FNBP1L: variants seen among roughly 807,000 people sequenced by gnomAD.
FNBP1L encodes formin-binding protein 1-like.
A neutral mutation model predicts 91.2 loss-of-function variants in FNBP1L; 36 were observed. That is an observed-to-expected ratio of 0.39 (90% CI 0.30 to 0.52). The LOEUF is 0.52. FNBP1L is among the 20% of genes least tolerant of loss of function. The pLI, the probability that FNBP1L is intolerant of heterozygous loss-of-function variation, is 0.66. For missense variants in FNBP1L, 571 were observed against 732.1 expected (o/e 0.78, Z 2.54); for synonymous variants, 242 against 237.0 (o/e 1.02, Z -0.19).
intron 1 of FNBP1L, among the ~76,000 whole-genome samples, chr1:93,466,698 T>G (rs1308371140): frequency 6.6e-6 from 1 of 152,188 alleles, no homozygotes; most frequent in African/African-American, 2.4e-5. Context: ...CTTTTTTTGG[T>G]TCCATATGAA....
chr1:93,493,534 C>T (rs1357685070), intron 1 of FNBP1L, among the ~76,000 whole-genome samples: 3 of 152,236 alleles, frequency 2.0e-5, no homozygotes, highest in East Asian at 1.9e-4. Flanking sequence ...TCCTTCCTAC[C>T]CCTGTTCCCT....
intron 2 of FNBP1L, among the ~76,000 whole-genome samples, chr1:93,515,169 C>T (rs1329076953): frequency 2.0e-5 from 3 of 152,176 alleles, no homozygotes; most frequent in African/African-American, 4.8e-5. Context: ...AAAAAATGCT[C>T]GCCATCACTG....
At chr1:93,507,875 C>G (rs1422954543) in intron 2 of FNBP1L, among the ~76,000 whole-genome samples, 1 of 151,252 alleles carries the variant, frequency 6.6e-6, no homozygotes, top group Non-Finnish European at 1.5e-5. Flanking sequence ...TCTTGAACTC[C>G]TGACCTCAGG....
At chr1:93,533,338 CTG>C (rs942888387) in intron 8 of FNBP1L, among the ~76,000 whole-genome samples, 9 of 151,798 alleles carry the variant, frequency 5.9e-5, no homozygotes, top group Admixed American at 5.9e-4. Flanking sequence ...AACCTAGGAA[CTG>C]TGTGTTACAA....
At chr1:93,492,979 C>T (rs1670144648) in intron 1 of FNBP1L, among the ~76,000 whole-genome samples, 1 of 151,954 alleles carries the variant, frequency 6.6e-6, no homozygotes, top group Admixed American at 6.6e-5. Flanking sequence ...GTGACCTTCC[C>T]CCTCTAAGAA....
chr1:93,452,796 T>G (rs1668539984), intron 1 of FNBP1L, among the ~76,000 whole-genome samples: 1 of 152,178 alleles, frequency 6.6e-6, no homozygotes, highest in Non-Finnish European at 1.5e-5. Flanking sequence ...GTAAACTGAA[T>G]TGCTTCTCCA....
chr1:93,549,468 C>A lies in FNBP1L; in HGVS notation c.1651+42C>A, dbSNP rs78759524. ...AATATTGTATGTAAAAAAATTGGTTCTTTAAAAGTATTTACATCAAGTCAC... is the reference window on the plus strand; with the variant it reads ...AATATTGTATGTAAAAAAATTGGTTATTTAAAAGTATTTACATCAAGTCAC... On this transcript the variant is annotated intron_variant, in intron 15 of 16. Coordinates refer to ENST00000271234, the MANE Select transcript of FNBP1L (RefSeq NM_001164473.3). 2.9e-4 allele frequency: 426 copies of A among 1,446,776 alleles called. No homozygotes were observed. The East Asian group carries it at 7.7e-3, about 26-fold the overall frequency. The allele number at this position is 1,446,776 out of a possible 1,614,324, so 89.6% of individuals were successfully genotyped here.
chr1:93,513,181 A>C (rs548244282), intron 2 of FNBP1L, among the ~76,000 whole-genome samples: 124 of 152,206 alleles, frequency 8.1e-4, no homozygotes, highest in Non-Finnish European at 1.4e-3. Flanking sequence ...GAAATGGATA[A>C]ATTCCTCGAC....
intron 2 of FNBP1L, among the ~76,000 whole-genome samples, chr1:93,509,960 TA>T (rs1670768679): frequency 6.6e-6 from 1 of 152,220 alleles, no homozygotes; most frequent in African/African-American, 2.4e-5. Context: ...CGGAGGGTCC[TA>T]CGCCCACGGA....
rs1242958757 is a variant in FNBP1L, at chr1:93,529,901, TTTAAA to T, written c.510+149_510+153del. 3.7e-5 allele frequency: 21 copies of T among 563,818 alleles called. No individual in the cohort carries two copies. The East Asian group carries it at 4.5e-4, about 12-fold the overall frequency. The allele number at this position is 563,818 out of a possible 1,614,324, so 34.9% of individuals were successfully genotyped here. On this transcript the variant is annotated intron_variant, in intron 6 of 16. Coordinates refer to ENST00000271234, the MANE Select transcript of FNBP1L (RefSeq NM_001164473.3). ...CTAAAATATACAAATATTTGCCAACTTTAAATTATACGTATTGGTCTGAGAAAGTA... is the reference window on the plus strand; with the variant it reads ...CTAAAATATACAAATATTTGCCAACTTTATACGTATTGGTCTGAGAAAGTA...
intron 13 of FNBP1L, 50 bp from the exon 14 acceptor site, chr1:93,547,297 T>G: frequency 1.4e-6 from 2 of 1,381,976 alleles, no homozygotes; most frequent in Non-Finnish European, 2.0e-6. Flanking sequence ...TCTTATGAGC[T>G]TTTAAACATA....
At chr1:93,516,265 A>G (rs1671107992) in intron 2 of FNBP1L, among the ~76,000 whole-genome samples, 1 of 152,164 alleles carries the variant, frequency 6.6e-6, no homozygotes, top group African/African-American at 2.4e-5. Context: ...GGAAGTGAGA[A>G]AACATCCTGG....
intron 1 of FNBP1L, among the ~76,000 whole-genome samples, chr1:93,462,936 T>TA (rs1416502152): frequency 7.2e-5 from 11 of 152,180 alleles, no homozygotes; most frequent in African/African-American, 2.7e-4. Flanking sequence ...ATAATTTATT[T>TA]AGAGTTCTTT....
chr1:93,465,102 A>G (rs1248727478), intron 1 of FNBP1L, among the ~76,000 whole-genome samples: 1 of 148,644 alleles, frequency 6.7e-6, no homozygotes, highest in African/African-American at 2.5e-5. Flanking sequence ...TCATGGTTTC[A>G]TTTTGTGGGG....
intron 1 of FNBP1L, among the ~76,000 whole-genome samples, chr1:93,475,471 C>T (rs1669460957): frequency 6.6e-6 from 1 of 151,896 alleles, no homozygotes; most frequent in South Asian, 2.1e-4. Context: ...CCTGGGAGGT[C>T]GAGGCTGCAG....
At chr1:93,451,220 A>T (rs988344180) in intron 1 of FNBP1L, among the ~76,000 whole-genome samples, 1 of 152,256 alleles carries the variant, frequency 6.6e-6, no homozygotes, top group Non-Finnish European at 1.5e-5. Context: ...CAGATAGCCA[A>T]ATATGAATTA....
intron 1 of FNBP1L, among the ~76,000 whole-genome samples, chr1:93,467,638 G>T (rs1669136819): frequency 6.6e-6 from 1 of 152,170 alleles, no homozygotes; most frequent in South Asian, 2.1e-4. Flanking sequence ...AGCCAAGCAT[G>T]GTGGCATATG....
chr1:93,483,567 T>C (rs1224506095), intron 1 of FNBP1L, among the ~76,000 whole-genome samples: 1 of 152,184 alleles, frequency 6.6e-6, no homozygotes, highest in Non-Finnish European at 1.5e-5. Context: ...ATCCTAAATA[T>C]TAAGATTTTT....
rs1317567669 is a variant in FNBP1L at position 93,524,336 on chromosome 1, A to T, written c.405+13A>T. 2 of 1,479,938 alleles carry T rather than the reference A, an allele frequency of 1.4e-6. No homozygotes were observed. Among genetic ancestry groups the T allele is most frequent in the South Asian group, 2.9e-5 (2 of 69,122 alleles). The allele number at this position is 1,479,938 out of a possible 1,614,324, so 91.7% of individuals were successfully genotyped here. A position where few individuals can be genotyped will look rare whatever the true frequency, so the allele number is the denominator to read the frequency against. On this transcript the variant is annotated intron_variant, in intron 5 of 16. Coordinates refer to ENST00000271234, the MANE Select transcript of FNBP1L (RefSeq NM_001164473.3). The stretch of plus-strand genomic sequence containing the variant: ...ACAGATGGATAATGTGAGTTATGAC[A>T]TTTTCATGGTTAACATAAAATCTTG...
Sources: gnomAD v4.1 joint callset for allele counts (sites outside exome capture counted in the v4.1 genomes callset) on GRCh38, gnomAD v4.1.1 for gene constraint, MANE v1.5 for transcripts, NCBI Gene and HGNC (gene_info 2026-07-23, HGNC 2026-07-21) for gene names.